The following ADARB1 variants were observed in gnomAD, a reference collection of about 807,000 sequenced individuals.
ADARB1 encodes adenosine deaminase RNA specific B1.
In ADARB1, 10 loss-of-function variants were observed where a neutral mutation model predicts 52.4. The observed-to-expected ratio is 0.19, with a 90% confidence interval of 0.12 to 0.32. The LOEUF is 0.32. Ranked by LOEUF, ADARB1 falls within the 10% of genes least tolerant of loss-of-function variation. ADARB1 has a pLI of 1.00. For missense variants in ADARB1, 643 were observed against 922.3 expected, an observed-to-expected ratio of 0.70 and a Z score of 3.92; for synonymous variants, 349 against 371.1, an observed-to-expected ratio of 0.94 and a Z score of 0.68.
Position 45,224,565 on chromosome 21 carries a change from T to TCGGGGAGCCCTGGG in ADARB1, c.*2373_*2374insAGCCCTGGGCGGGG, listed in dbSNP as rs2093026630. The TCGGGGAGCCCTGGG allele has an allele frequency of 1.2e-6, 1 of 820,748 alleles. No individual in the cohort carries two copies. Among genetic ancestry groups the TCGGGGAGCCCTGGG allele is most frequent in the African/African-American group, 2.3e-5 (1 of 43,368 alleles). 50.8% of individuals were successfully genotyped at this position (820,748 alleles called of 1,614,324 possible). ...GGGCGGCTGTTGGGGGGAACTGGGT[T>TCGGGGAGCCCTGGG]CGGGGTGCCCTGGGCAGGGGGCTAC... On this transcript the variant is annotated 3_prime_UTR_variant, in exon 11 of 11. Transcript: ENST00000348831.
chr21:45,084,507 G>C (rs2123646937), intron 1 of ADARB1, among the ~76,000 whole-genome samples: 1 of 152,328 alleles, frequency 6.6e-6, no homozygotes, highest in East Asian at 1.9e-4. Flanking sequence ...GAAACTCCAG[G>C]GGATTAGAAT....
At chr21:45,097,604 CAT>C (rs71855347) in intron 1 of ADARB1, among the ~76,000 whole-genome samples, 9,968 of 152,112 alleles carry the variant, frequency 0.066, 390 homozygotes, top group East Asian at 0.15. Flanking sequence ...ACTTCAGACA[CAT>C]GTGCAAGGTT....
At chr21:45,214,208 A>G (rs1250847673) in intron 9 of ADARB1, among the ~76,000 whole-genome samples, 1 of 152,188 alleles carries the variant, frequency 6.6e-6, no homozygotes, top group African/African-American at 2.4e-5. Context: ...TTCAAAACTT[A>G]TGCACATTTT....
At chr21:45,140,063 C>T (rs563499580) in intron 2 of ADARB1, among the ~76,000 whole-genome samples, 58 of 151,202 alleles carry the variant, frequency 3.8e-4, no homozygotes, top group African/African-American at 1.3e-3. Context: ...CCTGCCTCAG[C>T]CTCCCTAGTA....
chr21:45,100,459 G>A (rs186108054), intron 1 of ADARB1: 1 of 152,372 alleles, frequency 6.6e-6, no homozygotes, highest in Admixed American at 6.5e-5. Context: ...GCTCTACCCA[G>A]AACAAGGAGG....
intron 1 of ADARB1, among the ~76,000 whole-genome samples, chr21:45,126,783 T>C (rs997155874): frequency 6.6e-5 from 10 of 152,202 alleles, no homozygotes; most frequent in Non-Finnish European, 8.8e-5. Context: ...ACTTGATGTT[T>C]AGACTTTGCA....
chr21:45,177,777 G>A (rs906928165), intron 4 of ADARB1, among the ~76,000 whole-genome samples: 1 of 152,160 alleles, frequency 6.6e-6, no homozygotes, highest in East Asian at 1.9e-4. Flanking sequence ...TGTAGTCTGA[G>A]ATGACCAGGA....
chr21:45,141,323 C>T (rs2089712758), intron 2 of ADARB1, among the ~76,000 whole-genome samples: 1 of 152,206 alleles, frequency 6.6e-6, no homozygotes, highest in African/African-American at 2.4e-5. Flanking sequence ...CCTATACTCT[C>T]ATGATCTAAA....
At chr21:45,113,908 T>C (rs1468676618) in intron 1 of ADARB1, among the ~76,000 whole-genome samples, 3 of 152,352 alleles carry the variant, frequency 2.0e-5, no homozygotes, top group African/African-American at 4.8e-5. Context: ...TCTGCTGTTA[T>C]GAATAGCACG....
rs4819035 is a variant in ADARB1 at position 45,225,800 on chromosome 21, T to G, written c.*3603T>G. The G allele has an allele frequency of 0.23, 89,665 of 388,702 alleles. 11,387 individuals are homozygous for G. The highest frequency in any genetic ancestry group is 0.29 in the Middle Eastern group (448 of 1,554). The allele number at this position is 388,702 out of a possible 1,614,324, so 24.1% of individuals were successfully genotyped here. ...TAGACTTGCTCAAAAGATTCCTTTT[T>G]ATCATCCCCACGCTGTGTAAGTGGA... On this transcript the variant is annotated 3_prime_UTR_variant, in exon 11 of 11. Coordinates refer to ENST00000348831, the MANE Select transcript of ADARB1 (RefSeq NM_001112.4).
intron 2 of ADARB1, among the ~76,000 whole-genome samples, chr21:45,154,907 G>A (rs1424838299): frequency 3.3e-5 from 5 of 152,202 alleles, no homozygotes; most frequent in Admixed American, 2.0e-4. Context: ...CCCAGCCAGT[G>A]CTCAGTGGCT....
At chr21:45,149,916 A>G (rs888710016) in intron 2 of ADARB1, among the ~76,000 whole-genome samples, 2 of 152,242 alleles carry the variant, frequency 1.3e-5, no homozygotes, top group Non-Finnish European at 1.5e-5. Flanking sequence ...ATGGCCACGA[A>G]GTCTAAAGTA....
chr21:45,165,118 C>T (rs1000473820), intron 2 of ADARB1, among the ~76,000 whole-genome samples: 7 of 152,178 alleles, frequency 4.6e-5, no homozygotes, highest in African/African-American at 1.7e-4. Context: ...CTTGCTGGGC[C>T]AGTCTACTAC....
intron 9 of ADARB1, among the ~76,000 whole-genome samples, chr21:45,209,573 G>A (rs1211331130): frequency 2.0e-5 from 3 of 152,190 alleles, no homozygotes; most frequent in South Asian, 2.1e-4. Context: ...CCAAGGACAC[G>A]TCAAGACCTC....
intron 8 of ADARB1, among the ~76,000 whole-genome samples, chr21:45,199,267 C>T (rs1025702474): frequency 5.9e-5 from 9 of 152,174 alleles, no homozygotes; most frequent in South Asian, 2.1e-4. Context: ...CTAGAGCTGA[C>T]GAAATCCCTG....
intron 1 of ADARB1, among the ~76,000 whole-genome samples, chr21:45,119,064 T>C (rs2087994428): frequency 6.6e-6 from 1 of 152,184 alleles, no homozygotes; most frequent in African/African-American, 2.4e-5. Context: ...ATGGTGTACT[T>C]TATCACCATT....
At chr21:45,107,781 A>T (rs2087324260) in intron 1 of ADARB1, among the ~76,000 whole-genome samples, 3 of 152,264 alleles carry the variant, frequency 2.0e-5, no homozygotes. Context: ...GTGTTGGGAA[A>T]GGCTTTTTTA....
chr21:45,135,373 G>T lies in ADARB1; in HGVS notation c.-48+6800G>T, dbSNP rs74932105. 8.9e-3 allele frequency among the ~76,000 whole-genome samples: 1,352 copies of T among 152,368 alleles called. 23 individuals are homozygous for T. Among genetic ancestry groups the T allele is most frequent in the African/African-American group, 0.031 (1,296 of 41,598 alleles). On this transcript the variant is annotated intron_variant, in intron 2 of 10. Coordinates refer to ENST00000348831, the MANE Select transcript of ADARB1 (RefSeq NM_001112.4). The stretch of plus-strand genomic sequence containing the variant: ...ACTGTCAGCTGTCTGCATCCTCCTG[G>T]CACCCCTTAGTGTGGCTGCATACTG...
chr21:45,224,240 T>C lies in ADARB1; in HGVS notation c.*2043T>C, dbSNP rs1391736734. ...TTAGTGTTAATATATTCCATATACA[T>C]ACAAAACTACCCGGTATGTCTGGCT... On this transcript the variant is annotated 3_prime_UTR_variant, in exon 11 of 11. Coordinates refer to ENST00000348831, the MANE Select transcript of ADARB1 (RefSeq NM_001112.4). 3 of 985,366 alleles carry C rather than the reference T, an allele frequency of 3.0e-6. No individual in the cohort carries two copies. Among genetic ancestry groups the C allele is most frequent in the African/African-American group, 1.7e-5 (1 of 57,252 alleles). The allele number at this position is 985,366 out of a possible 1,614,324, so 61.0% of individuals were successfully genotyped here.
Sources: gnomAD v4.1 joint callset for allele counts (sites outside exome capture counted in the v4.1 genomes callset) on GRCh38, gnomAD v4.1.1 for gene constraint, MANE v1.5 for transcripts, NCBI Gene and HGNC (gene_info 2026-07-23, HGNC 2026-07-21) for gene names.